The following FGF13 variants were observed in gnomAD, a reference collection of about 807,000 sequenced individuals.
The protein encoded by FGF13 is fibroblast growth factor 13.
In FGF13, 2 loss-of-function variants were observed where a neutral mutation model predicts 19.5. That is an observed-to-expected ratio of 0.10 (90% CI 0.04 to 0.32). The LOEUF (loss-of-function observed/expected upper bound fraction) is 0.32. FGF13 is among the 10% of genes least tolerant of loss of function. FGF13 has a pLI of 1.00. For missense variants in FGF13, 113 were observed against 192.7 expected (o/e 0.59, Z 2.45); for synonymous variants, 72 against 76.9 (o/e 0.94, Z 0.33).
chrX:139,067,516 GTGAAGT>G (rs2092360944), intron 1 of FGF13, among the ~76,000 whole-genome samples: 1 of 111,668 alleles, frequency 9.0e-6, no homozygotes, highest in African/African-American at 3.3e-5. Flanking sequence ...CAAATCATGA[GTGAAGT>G]CCCATTCACA....
At chrX:139,025,870 C>G (rs1569443542) in intron 1 of FGF13, among the ~76,000 whole-genome samples, 1 of 110,632 alleles carries the variant, frequency 9.0e-6, no homozygotes, top group Non-Finnish European at 1.9e-5. Context: ...CTCCCATCTG[C>G]AAAGTCCTAT....
intron 3 of FGF13, among the ~76,000 whole-genome samples, chrX:138,651,802 CT>C (rs1180942756): frequency 8.9e-6 from 1 of 112,206 alleles, no homozygotes; most frequent in Admixed American, 9.4e-5. Flanking sequence ...GAGGTTCATT[CT>C]TTGTCTGTGG....
At chrX:139,094,292 G>A (rs2083456803) in intron 1 of FGF13, among the ~76,000 whole-genome samples, 1 of 112,122 alleles carries the variant, frequency 8.9e-6, no homozygotes, top group African/African-American at 3.2e-5. Flanking sequence ...TAGTTCTAAA[G>A]TTCAGTGAAG....
chrX:138,881,290 C>T (rs914651367), intron 1 of FGF13, among the ~76,000 whole-genome samples: 4 of 111,517 alleles, frequency 3.6e-5, no homozygotes, highest in South Asian at 3.7e-4. Context: ...TGCAATTTTG[C>T]TCTATTTGTT....
intron 1 of FGF13, among the ~76,000 whole-genome samples, chrX:139,113,723 T>C (rs2083619940): frequency 8.9e-6 from 1 of 111,818 alleles, no homozygotes; most frequent in African/African-American, 3.3e-5. Flanking sequence ...GTTGAATAAG[T>C]GGTAGCATGA....
intron 1 of FGF13, among the ~76,000 whole-genome samples, chrX:139,068,695 C>CAA (rs2092365695): frequency 9.3e-6 from 1 of 107,942 alleles, no homozygotes; most frequent in African/African-American, 3.4e-5. Context: ...TTGAAGAGGT[C>CAA]CTTCACATCC....
At chrX:138,633,478 C>A (rs2089144892) in intron 4 of FGF13, among the ~76,000 whole-genome samples, 1 of 111,635 alleles carries the variant, frequency 9.0e-6, no homozygotes, top group African/African-American at 3.3e-5. Context: ...TTTAATAAAC[C>A]TCTTAGAAGT....
At chrX:138,757,043 G>A (rs1354573443) in intron 3 of FGF13, among the ~76,000 whole-genome samples, 1 of 111,178 alleles carries the variant, frequency 9.0e-6, no homozygotes, top group African/African-American at 3.3e-5. Context: ...GAGCCACATC[G>A]AAGGAGTTGA....
At chrX:138,697,962 A>G (rs1350467431) in intron 3 of FGF13, among the ~76,000 whole-genome samples, 1 of 111,730 alleles carries the variant, frequency 9.0e-6, no homozygotes, top group African/African-American at 3.3e-5. Flanking sequence ...ACAACTCCTT[A>G]TTATTGCTAA....
At chrX:139,191,213 T>C (rs779189954) in intron 1 of FGF13, among the ~76,000 whole-genome samples, 7 of 112,258 alleles carry the variant, frequency 6.2e-5, no homozygotes, top group African/African-American at 1.3e-4. Flanking sequence ...TATTATCTTC[T>C]GCCAGGATTT....
intron 1 of FGF13, among the ~76,000 whole-genome samples, chrX:139,139,175 T>A (rs1371903757): frequency 9.0e-6 from 1 of 111,060 alleles, no homozygotes; most frequent in East Asian, 2.8e-4. Context: ...TCAAACGATC[T>A]GCCTGCCTCA....
At chrX:139,104,227 G>A (rs2083540223) in intron 1 of FGF13, among the ~76,000 whole-genome samples, 2 of 111,190 alleles carry the variant, frequency 1.8e-5, no homozygotes, top group Non-Finnish European at 3.8e-5. Flanking sequence ...TAGAGAGGGT[G>A]AAGCTTTAAA....
chrX:138,711,657 G>C lies in FGF13; in HGVS notation c.-654C>G. The C allele has an allele frequency of 1.3e-6, 1 of 754,452 alleles. No individual in the cohort carries two copies. Among genetic ancestry groups the C allele is most frequent in the South Asian group, 6.7e-5 (1 of 14,862 alleles). The allele number at this position is 754,452 out of a possible 1,213,427, so 62.2% of individuals were successfully genotyped here. A position where few individuals can be genotyped will look rare whatever the true frequency, so the allele number is the denominator to read the frequency against. ...ATCTTCGCTGTTGCTGCTGCTCTGG[G>C]CGCGGCACAGTCGCAGCACAGGAAT... On this transcript the variant is annotated 5_prime_UTR_variant, in exon 1 of 5. Coordinates refer to ENST00000315930, the MANE Select transcript of FGF13 (RefSeq NM_004114.5).
intron 3 of FGF13, among the ~76,000 whole-genome samples, chrX:138,777,811 G>C: frequency 9.0e-6 from 1 of 110,789 alleles, no homozygotes; most frequent in Non-Finnish European, 1.9e-5. Flanking sequence ...ACAAGATTTA[G>C]ATAGGATCCA....
intron 3 of FGF13, among the ~76,000 whole-genome samples, chrX:138,791,425 C>A (rs1216254760): frequency 8.9e-6 from 1 of 112,235 alleles, no homozygotes; most frequent in Non-Finnish European, 1.9e-5. Flanking sequence ...GCTTCCTTTA[C>A]CTAATCTCTA....
chrX:138,913,797 T>A (rs752648223), intron 1 of FGF13, among the ~76,000 whole-genome samples: 4 of 110,465 alleles, frequency 3.6e-5, no homozygotes, highest in Non-Finnish European at 5.7e-5. Context: ...TCCTTATGAT[T>A]AGAAGAATTT....
chrX:139,013,038 G>A, intron 1 of FGF13, among the ~76,000 whole-genome samples: 1 of 111,570 alleles, frequency 9.0e-6, no homozygotes, highest in Non-Finnish European at 1.9e-5. Flanking sequence ...CTAAGAACAT[G>A]AAAAGACAGT....
chrX:138,861,541 T>C (rs1225629008), intron 2 of FGF13, among the ~76,000 whole-genome samples: 1 of 112,422 alleles, frequency 8.9e-6, no homozygotes, highest in Non-Finnish European at 1.9e-5. Flanking sequence ...CTCTATGTCA[T>C]TTCAAACAAA....
intron 1 of FGF13, among the ~76,000 whole-genome samples, chrX:138,889,128 G>T (rs890447209): frequency 8.9e-6 from 1 of 111,829 alleles, no homozygotes; most frequent in Non-Finnish European, 1.9e-5. Context: ...TACAAAGTAT[G>T]TCTGTTGGTG....
Sources: allele counts gnomAD v4.1 joint callset (sites outside exome capture counted in the v4.1 genomes callset), GRCh38; gene constraint gnomAD v4.1.1; transcripts MANE v1.5; gene names NCBI Gene and HGNC (gene_info 2026-07-23, HGNC 2026-07-21).